The following ABLIM3 variants were observed in gnomAD, a reference collection of about 807,000 sequenced individuals.
The protein encoded by ABLIM3 is actin binding LIM protein family member 3, also known as actin-binding LIM protein 3.
A neutral mutation model predicts 109.5 loss-of-function variants in ABLIM3; 61 were observed. The ratio of observed to expected loss-of-function variants is 0.56; its 90% CI spans 0.45 to 0.69. ABLIM3 has a LOEUF of 0.69. ABLIM3 is among the 30% of genes least tolerant of loss of function. ABLIM3 has a pLI of 0.00. For synonymous variants in ABLIM3, 300 were observed against 324.8 expected, an observed-to-expected ratio of 0.92 and a Z score of 0.82; for missense variants, 796 against 889.5, an observed-to-expected ratio of 0.89 and a Z score of 1.34.
intron 2 of ABLIM3, among the ~76,000 whole-genome samples, chr5:149,160,561 T>G (rs1754263023): frequency 6.6e-6 from 1 of 152,194 alleles, no homozygotes; most frequent in African/African-American, 2.4e-5. Flanking sequence ...GTAACCTACT[T>G]GTGCTGATTT....
chr5:149,196,828 T>C (rs1393178444), intron 3 of ABLIM3, among the ~76,000 whole-genome samples: 2 of 152,244 alleles, frequency 1.3e-5, no homozygotes, highest in South Asian at 2.1e-4. Context: ...ACTTAACTCC[T>C]TACAAGTAAA....
chr5:149,166,929 A>G (rs562318477), intron 2 of ABLIM3, among the ~76,000 whole-genome samples: 2 of 152,332 alleles, frequency 1.3e-5, no homozygotes, highest in East Asian at 1.9e-4. Flanking sequence ...TCCCTGAGCC[A>G]TAGTTTGCTT....
chr5:149,150,066 A>T (rs1753290117), intron 2 of ABLIM3, among the ~76,000 whole-genome samples: 1 of 152,128 alleles, frequency 6.6e-6, no homozygotes, highest in South Asian at 2.1e-4. Context: ...GGTACCTCCC[A>T]TTGGTCAAAT....
chr5:149,245,771 T>A (rs1187652136), intron 16 of ABLIM3, among the ~76,000 whole-genome samples: 1 of 152,114 alleles, frequency 6.6e-6, no homozygotes, highest in African/African-American at 2.4e-5. Flanking sequence ...TCCTTTCAAG[T>A]ATGGGGGGAA....
intron 15 of ABLIM3, 143 bp downstream of exon 15, chr5:149,242,681 C>T (rs567830638): frequency 1.2e-6 from 1 of 862,612 alleles, no homozygotes; most frequent in Non-Finnish European, 2.0e-6. Flanking sequence ...CCCCATCACC[C>T]AGGGTGACAT....
chr5:149,242,555 A>G lies in ABLIM3; in HGVS notation c.1351+17A>G. On this transcript the variant is annotated intron_variant, in intron 15 of 23. Transcript: ENST00000309868. Reference sequence around the variant, plus strand: ...AACGGCATGGTATGGTCAGAGGTAGATAGGGCTTGGCCACACAAGGAGAGG... The same window carrying G: ...AACGGCATGGTATGGTCAGAGGTAGGTAGGGCTTGGCCACACAAGGAGAGG... 6.2e-7 allele frequency: 1 copy of G among 1,614,076 alleles called. No homozygotes were observed. The highest frequency in any genetic ancestry group is 8.5e-7 in the Non-Finnish European group (1 of 1,179,958).
chr5:149,204,461 A>G (rs1758777501), intron 5 of ABLIM3, among the ~76,000 whole-genome samples: 1 of 152,224 alleles, frequency 6.6e-6, no homozygotes, highest in Admixed American at 6.5e-5. Context: ...AGAAGCTGAT[A>G]TAATGGAGGA....
At chr5:149,167,764 C>T (rs1425826082) in intron 2 of ABLIM3, among the ~76,000 whole-genome samples, 1 of 152,076 alleles carries the variant, frequency 6.6e-6, no homozygotes, top group African/African-American at 2.4e-5. Context: ...CAAATAAGCA[C>T]AACTAATGAT....
chr5:149,239,184 G>C, intron 11 of ABLIM3, 64 bp from the exon 12 acceptor site: 1 of 1,554,364 alleles, frequency 6.4e-7, no homozygotes, highest in Non-Finnish European at 8.9e-7. Flanking sequence ...TCTGTCCTTC[G>C]TCTCGTCCTC....
intron 19 of ABLIM3, among the ~76,000 whole-genome samples, chr5:149,250,143 C>A (rs2127571755): frequency 6.6e-6 from 1 of 152,296 alleles, no homozygotes; most frequent in Non-Finnish European, 1.5e-5. Flanking sequence ...GGGCCTTTGT[C>A]CAGAGCCAGC....
intron 3 of ABLIM3, among the ~76,000 whole-genome samples, chr5:149,192,712 A>T (rs1043030258): frequency 6.6e-6 from 1 of 152,156 alleles, no homozygotes; most frequent in African/African-American, 2.4e-5. Context: ...TAATTTTGCA[A>T]AGCTTTAACG....
intron 3 of ABLIM3, among the ~76,000 whole-genome samples, chr5:149,197,747 C>A (rs889639218): frequency 6.6e-6 from 1 of 152,214 alleles, no homozygotes; most frequent in Non-Finnish European, 1.5e-5. Context: ...TTATTACATT[C>A]ATATTTCCAC....
chr5:149,227,224 C>G (rs1761397969), intron 8 of ABLIM3, among the ~76,000 whole-genome samples: 1 of 152,172 alleles, frequency 6.6e-6, no homozygotes. Context: ...GCTGACTCTG[C>G]TAACGATTAA....
At chr5:149,245,979 A>G (rs1195973487) in intron 16 of ABLIM3, among the ~76,000 whole-genome samples, 1 of 152,136 alleles carries the variant, frequency 6.6e-6, no homozygotes, top group African/African-American at 2.4e-5. Context: ...CCTGGACAAC[A>G]TAGCACTTCT....
intron 9 of ABLIM3, among the ~76,000 whole-genome samples, chr5:149,231,696 G>T (rs1327317930): frequency 1.3e-5 from 2 of 152,094 alleles, no homozygotes; most frequent in Non-Finnish European, 2.9e-5. Context: ...AGACCTAATT[G>T]TCCCTTTCTT....
At chr5:149,247,478 A>G (rs1158318223) in intron 17 of ABLIM3, among the ~76,000 whole-genome samples, 4 of 152,224 alleles carry the variant, frequency 2.6e-5, no homozygotes, top group Admixed American at 1.3e-4. Flanking sequence ...TAAAAAGAAA[A>G]AGGTGGCTAT....
chr5:149,153,689 AG>A (rs1753636302), intron 2 of ABLIM3, among the ~76,000 whole-genome samples: 1 of 152,218 alleles, frequency 6.6e-6, no homozygotes, highest in South Asian at 2.1e-4. Flanking sequence ...AGGATGTTGA[AG>A]GAACAGTAGG....
chr5:149,219,824 A>G (rs1581161321), intron 8 of ABLIM3: 1 of 152,308 alleles, frequency 6.6e-6, no homozygotes, highest in East Asian at 1.9e-4. Flanking sequence ...CTGGTGAACA[A>G]ACCTCCTAGT....
intron 9 of ABLIM3, among the ~76,000 whole-genome samples, chr5:149,232,345 A>T (rs1581195193): frequency 1.3e-5 from 2 of 152,156 alleles, no homozygotes; most frequent in African/African-American, 4.8e-5. Context: ...TTGTTGAGAG[A>T]GTTGTTGAAA....
Sources: allele counts gnomAD v4.1 joint callset (sites outside exome capture counted in the v4.1 genomes callset), GRCh38; gene constraint gnomAD v4.1.1; transcripts MANE v1.5; gene names NCBI Gene and HGNC (gene_info 2026-07-23, HGNC 2026-07-21).